The following MAIP1 variants were observed in gnomAD, a reference collection of about 807,000 sequenced individuals.
The protein encoded by MAIP1 is matrix AAA peptidase interacting protein 1, also known as m-AAA protease-interacting protein 1, mitochondrial.
MAIP1 carries 28 observed loss-of-function variants against 31.2 expected under a neutral mutation model. The observed-to-expected ratio is 0.90, with a 90% confidence interval of 0.67 to 1.23. The LOEUF (loss-of-function observed/expected upper bound fraction) is 1.23, where lower values mean the gene tolerates loss of function less well. Among genes scored for constraint, MAIP1 ranks in the 50% most tolerant of loss-of-function variants. MAIP1 has a pLI of 0.00. For synonymous variants in MAIP1, 142 were observed against 142.3 expected (o/e 1.00, Z 0.02); for missense variants, 339 against 356.0 (o/e 0.95, Z 0.38).
chr2:199,956,810 G>T (rs564431669), intron 1 of MAIP1, among the ~76,000 whole-genome samples: 11 of 152,348 alleles, frequency 7.2e-5, no homozygotes, highest in Admixed American at 7.2e-4. Context: ...ACTCCGTAAA[G>T]ATTAAACTGG....
intron 4 of MAIP1, among the ~76,000 whole-genome samples, chr2:199,962,205 G>C (rs965250500): frequency 3.3e-5 from 5 of 152,210 alleles, no homozygotes; most frequent in African/African-American, 1.2e-4. Flanking sequence ...CATTGACTTT[G>C]CCTGCTATTT....
rs71403495 is a variant in MAIP1, at chr2:199,957,039, C to CTTTT, written c.450+805_450+808dup. Among the ~76,000 whole-genome samples the CTTTT allele has an allele frequency of 6.9e-5, 9 of 129,786 alleles. 1 individual carries two copies. Among genetic ancestry groups the CTTTT allele is most frequent in the African/African-American group, 8.7e-5 (3 of 34,286 alleles). 85.1% of individuals were successfully genotyped at this position (129,786 alleles called of 152,430 possible). ...TATTTGTAGATTTTGTGGGTACATG[C>CTTTT]TTTTTTTTTTTTTTTTTGGACTCCT... On this transcript the variant is annotated intron_variant, in intron 1 of 4. Transcript: ENST00000392290.
chr2:199,960,253 G>C (rs1473512255), intron 3 of MAIP1, among the ~76,000 whole-genome samples: 1 of 152,116 alleles, frequency 6.6e-6, no homozygotes, highest in Non-Finnish European at 1.5e-5. Flanking sequence ...GGAATGAGGG[G>C]TAAAAGAAAA....
At chr2:199,962,880 G>A (rs1452527620) in intron 4 of MAIP1, among the ~76,000 whole-genome samples, 3 of 152,092 alleles carry the variant, frequency 2.0e-5, no homozygotes, top group Non-Finnish European at 4.4e-5. Context: ...TGAACTGCTG[G>A]AGCAAGTCAG....
Position 199,955,790 on chromosome 2 carries a change from G to A in MAIP1, c.-9G>A. 3 of 1,516,252 alleles carry A rather than the reference G, an allele frequency of 2.0e-6. No homozygotes were observed. The highest frequency in any genetic ancestry group is 1.8e-6 in the Non-Finnish European group (2 of 1,134,466). The allele number at this position is 1,516,252 out of a possible 1,614,324, so 93.9% of individuals were successfully genotyped here. A position where few individuals can be genotyped will look rare whatever the true frequency, so the allele number is the denominator to read the frequency against. On this transcript the variant is annotated 5_prime_UTR_variant, in exon 1 of 5. Coordinates refer to ENST00000392290, the MANE Select transcript of MAIP1 (RefSeq NM_001394955.1). ...GCACCGGCAGGCACCGGTGTGAAGG[G>A]TCATAAAAATGGCGCTGGCCGCTCG...
chr2:199,955,413 T>A (rs751881614), upstream of MAIP1: 1 of 1,613,860 alleles, frequency 6.2e-7, no homozygotes, highest in South Asian at 1.1e-5. Context: ...AGGTGCTGCA[T>A]GAACTGCTCC....
Position 199,956,089 on chromosome 2 carries a change from C to A in MAIP1, c.291C>A (p.Ser97Arg), listed in dbSNP as rs1180476189. Residue 97 changes from serine to arginine, a missense_variant, in exon 1 of 5, where the codon AGC becomes AGA. Transcript: ENST00000392290. Reference protein sequence around the residue: ...SFPACPQRSYSTEEKPQQHQK... With the variant: ...SFPACPQRSYRTEEKPQQHQK... ...CTGCCTGCCCTCAGCGCAGCTACAGCACGGAGGAGAAGCCCCAGCAGCACC... is the reference window on the plus strand; with the variant it reads ...CTGCCTGCCCTCAGCGCAGCTACAGAACGGAGGAGAAGCCCCAGCAGCACC... 1 of 1,614,088 alleles carries A rather than the reference C, an allele frequency of 6.2e-7. No homozygotes were observed. The highest frequency in any genetic ancestry group is 1.7e-5 in the Admixed American group (1 of 60,000).
chr2:199,962,280 C>T (rs893147713), intron 4 of MAIP1, among the ~76,000 whole-genome samples: 4 of 152,132 alleles, frequency 2.6e-5, no homozygotes, highest in Non-Finnish European at 4.4e-5. Context: ...GGCATCAACA[C>T]GAGTGGCAGG....
chr2:199,956,223 C>T lies in MAIP1; in HGVS notation c.425C>T (p.Thr142Ile), dbSNP rs1225060660. 1.9e-6 allele frequency: 3 copies of T among 1,613,114 alleles called. No individual in the cohort carries two copies. The highest frequency in any genetic ancestry group is 1.7e-6 in the Non-Finnish European group (2 of 1,179,486). Residue 142 changes from threonine to isoleucine, a missense_variant, in exon 1 of 5, where the codon ACA (threonine) becomes ATA (isoleucine). By Grantham distance (89) the Thr-to-Ile change is moderately conservative. Transcript: ENST00000392290. ...TATTTCGACAAAGAGTTCAGCATCA[C>T]AGAGTTCTCCGAGGGAGCGAAGCAG... ...WAYFDKEFSI[T>I]EFSEGAKQAF...
In MAIP1 at chr2:199,955,968, GC is replaced by G; in HGVS notation, c.171del (p.Ser57ArgfsTer54). 2 of 1,611,698 alleles carry G rather than the reference GC, an allele frequency of 1.2e-6. No homozygotes were observed. Among genetic ancestry groups the G allele is most frequent in the Non-Finnish European group, 1.7e-6 (2 of 1,178,840 alleles). ...TTGGGAGCGGCGTTATTTCCACGAAGCGCTAGGGCCTTGGCAGCCTCGGCGC... is the reference window on the plus strand; with the variant it reads ...TTGGGAGCGGCGTTATTTCCACGAAGGCTAGGGCCTTGGCAGCCTCGGCGC... ...LGLGAALFPRSARALAASALP... is the reference protein window; with the variant it reads ...LGLGAALFPRXARALAASALP... On this transcript the variant is annotated frameshift_variant, in exon 1 of 5. Transcript: ENST00000392290. LOFTEE classifies it high-confidence loss of function.
In MAIP1 at chr2:199,959,323, A is replaced by C; in HGVS notation, c.506A>C (p.Glu169Ala). ...LSQCKFDLLE[E>A]LVAKEVLHAL... ...CAGTGTAAATTTGATCTGTTGGAAG[A>C]ACTTGTGGCCAAAGAGGTAAAGTAT... is the stretch of plus-strand genomic sequence containing the variant. The change falls in exon 2 of 5, where the codon GAA becomes GCA. Residue 169 changes from glutamate to alanine, a missense_variant. Glu to Ala is a moderately radical substitution (Grantham distance 107). Coordinates refer to ENST00000392290, the MANE Select transcript of MAIP1 (RefSeq NM_001394955.1). The C allele has an allele frequency of 6.3e-7, 1 of 1,584,468 alleles. No individual in the cohort carries two copies. The highest frequency in any genetic ancestry group is 8.7e-7 in the Non-Finnish European group (1 of 1,153,278).
At chr2:199,961,580 C>A (rs1324178434) in intron 3 of MAIP1, among the ~76,000 whole-genome samples, 2 of 152,100 alleles carry the variant, frequency 1.3e-5, no homozygotes, top group Non-Finnish European at 2.9e-5. Context: ...GAGAAGAGGG[C>A]AAGTATGCCA....
At chr2:199,957,367 G>A (rs1293023270) in intron 1 of MAIP1, among the ~76,000 whole-genome samples, 1 of 152,176 alleles carries the variant, frequency 6.6e-6, no homozygotes, top group Non-Finnish European at 1.5e-5. Context: ...ACTCCAGCCT[G>A]GGTGACAGAG....
At position 199,955,880 on chromosome 2, in the gene MAIP1, G is replaced by T; in HGVS notation, c.82G>T (p.Ala28Ser). ...CGGGGCCGTCCGACTCCGGACTCCT[G>T]CTGTGGCCGAGGTGAGGCTGCCGTC... ...PCGAVRLRTP[A>S]VAEVRLPSAT... Residue 28 changes from alanine to serine, a missense_variant, in exon 1 of 5, where the codon GCT becomes TCT. Transcript: ENST00000392290. The T allele has an allele frequency of 6.4e-7, 1 of 1,559,336 alleles. No individual in the cohort carries two copies. Among genetic ancestry groups the T allele is most frequent in the South Asian group, 1.2e-5 (1 of 81,734 alleles).
At chr2:199,957,405 A>G (rs939364865) in intron 1 of MAIP1, among the ~76,000 whole-genome samples, 1 of 152,198 alleles carries the variant, frequency 6.6e-6, no homozygotes, top group Non-Finnish European at 1.5e-5. Flanking sequence ...AAACAAAAAC[A>G]AACAAAAAAA....
intron 2 of MAIP1, 119 bp downstream of exon 2, chr2:199,959,458 C>A: frequency 2.9e-6 from 2 of 682,144 alleles, no homozygotes; most frequent in Non-Finnish European, 5.2e-6. Flanking sequence ...AAAGTAGAGT[C>A]TGTGTATCTG....
At chr2:199,956,360 T>A in intron 1 of MAIP1, 112 bp downstream of exon 1, 1 of 877,086 alleles carries the variant, frequency 1.1e-6, no homozygotes, top group Non-Finnish European at 1.8e-6. Flanking sequence ...CAAACGTGAT[T>A]AGTGGCCCAG....
chr2:199,955,685 C>T lies in MAIP1; in HGVS notation c.-114C>T, dbSNP rs764005253. The T allele has an allele frequency of 1.2e-5, 14 of 1,180,280 alleles. No individual in the cohort carries two copies. The highest frequency in any genetic ancestry group is 1.2e-5 in the Non-Finnish European group (10 of 854,478). 73.1% of individuals were successfully genotyped at this position (1,180,280 alleles called of 1,614,324 possible). On this transcript the variant is annotated 5_prime_UTR_variant, in exon 1 of 5. Transcript: ENST00000392290. ...GACGGGGCCGACTCACCAGAGGCTG[C>T]AGCAACAGGTCCACTTTGCTCTCCA...
chr2:199,959,724 G>C, intron 2 of MAIP1, 30 bp from the exon 3 acceptor site: 1 of 1,584,194 alleles, frequency 6.3e-7, no homozygotes, highest in Non-Finnish European at 8.6e-7. Context: ...TTGTATCAGT[G>C]AACTAATGGC....
Sources: allele counts gnomAD v4.1 joint callset (sites outside exome capture counted in the v4.1 genomes callset), GRCh38; gene constraint gnomAD v4.1.1; transcripts MANE v1.5; gene names NCBI Gene and HGNC (gene_info 2026-07-23, HGNC 2026-07-21).